LIM2: variants seen among roughly 807,000 people sequenced by gnomAD.
LIM2 encodes the protein lens intrinsic membrane protein 2, also known as lens fiber membrane intrinsic protein.
A neutral mutation model predicts 19.0 loss-of-function variants in LIM2; 14 were observed. That is an observed-to-expected ratio of 0.74 (90% CI 0.49 to 1.15). LIM2 has a LOEUF of 1.15. Among genes scored for constraint, LIM2 ranks in the 50% most tolerant of loss-of-function variants. LIM2 has a pLI of 0.00. For missense variants in LIM2, 230 were observed against 243.5 expected, an observed-to-expected ratio of 0.94 and a Z score of 0.37; for synonymous variants, 78 against 89.6, an observed-to-expected ratio of 0.87 and a Z score of 0.73.
intron 2 of LIM2, among the ~76,000 whole-genome samples, chr19:51,383,606 A>G (rs1347738651): frequency 6.6e-6 from 1 of 152,108 alleles, no homozygotes; most frequent in East Asian, 1.9e-4. Flanking sequence ...AGATAATAAT[A>G]ATCTCTTCAT....
chr19:51,385,313 G>A (rs914660191), intron 2 of LIM2, among the ~76,000 whole-genome samples: 13 of 152,188 alleles, frequency 8.5e-5, no homozygotes, highest in African/African-American at 2.9e-4. Context: ...CCTGAGGTCA[G>A]GAGTTCGAGA....
intron 3 of LIM2, 111 bp from the exon 4 acceptor site, chr19:51,380,750 A>T (rs1599860652): frequency 1.5e-6 from 2 of 1,310,188 alleles, no homozygotes; most frequent in East Asian, 5.0e-5. Flanking sequence ...AAAGGGGTGG[A>T]AATGGGTTGG....
rs1986921182 is a variant in LIM2, at chr19:51,382,502, T to C, written c.241A>G (p.Met81Val). Residue 81 changes from methionine to valine, a missense_variant, in exon 3 of 5, where the codon ATG becomes GTG. Coordinates refer to ENST00000596399, the MANE Select transcript of LIM2 (RefSeq NM_001161748.2). ...SALCAISGIIMGIMAFAHQPT... is the reference protein window; with the variant it reads ...SALCAISGIIVGIMAFAHQPT... The stretch of plus-strand genomic sequence containing the variant: ...TGATGAGCGAAGGCCATGATGCCCA[T>C]GATGATGCCGGAGATGGCGCATAGG... 6.2e-7 allele frequency: 1 copy of C among 1,613,886 alleles called. No individual in the cohort carries two copies. Among genetic ancestry groups the C allele is most frequent in the East Asian group, 2.2e-5 (1 of 44,866 alleles).
chr19:51,382,292 G>A (rs1045491138), intron 3 of LIM2, 126 bp downstream of exon 3: 8 of 1,078,892 alleles, frequency 7.4e-6, no homozygotes, highest in East Asian at 2.5e-5. Flanking sequence ...GTGGGGATGG[G>A]ATTAGGGTGG....
chr19:51,387,205 T>C, intron 2 of LIM2, 64 bp downstream of exon 2: 1 of 1,614,184 alleles, frequency 6.2e-7, no homozygotes, highest in Non-Finnish European at 8.5e-7. Context: ...CAGGTGTCCT[T>C]GGGCCCCGAG....
intron 2 of LIM2, among the ~76,000 whole-genome samples, chr19:51,385,036 A>AT (rs1355389892): frequency 1.3e-5 from 2 of 151,566 alleles, no homozygotes; most frequent in East Asian, 3.9e-4. Context: ...CTAATTTTTT[A>AT]TTTTTTGTTG....
chr19:51,382,805 C>T (rs1025328972), intron 2 of LIM2, among the ~76,000 whole-genome samples: 5 of 152,106 alleles, frequency 3.3e-5, no homozygotes, highest in Non-Finnish European at 7.4e-5. Flanking sequence ...TCTTCACCCA[C>T]GGCTAAGGGT....
In LIM2 at chr19:51,382,515, G is replaced by A. The variant is rs1372389449; in HGVS notation, c.228C>T (p.Ile76=). The A allele has an allele frequency of 1.8e-5, 29 of 1,613,888 alleles. No homozygotes were observed. The highest frequency in any genetic ancestry group is 2.4e-5 in the Non-Finnish European group (28 of 1,179,938). ...CCATGATGCCCATGATGATGCCGGA[G>A]ATGGCGCATAGGGCAGACAGGATCA... ...AFMILSALCA[I]SGIIMGIMAF... Residue 76 remains isoleucine (I), a synonymous_variant, in exon 3 of 5, where the codon ATC becomes ATT. Coordinates refer to ENST00000596399, the MANE Select transcript of LIM2 (RefSeq NM_001161748.2).
Position 51,382,463 on chromosome 19 carries a change from G to A in LIM2, c.280C>T (p.Arg94Cys), listed in dbSNP as rs200836752. The A allele has an allele frequency of 1.3e-4, 213 of 1,613,912 alleles. No homozygotes were observed. Among genetic ancestry groups the A allele is most frequent in the Middle Eastern group, 5.0e-4 (3 of 6,058 alleles). ...CCAGCAGAGAAGGGCCGGGAGATGC[G>A]GGAGAAGGTAGGCTGATGAGCGAAG... The part of the protein sequence containing the change: ...MAFAHQPTFS[R>C]ISRPFSAGIM... Residue 94 changes from arginine to cysteine, a missense_variant, in exon 3 of 5, where the codon CGC becomes TGC. Arg to Cys is a radical substitution (Grantham distance 180). Coordinates refer to ENST00000596399, the MANE Select transcript of LIM2 (RefSeq NM_001161748.2).
At chr19:51,387,772 C>T (rs918758174) in intron 1 of LIM2, 147 bp downstream of exon 1, 1 of 395,958 alleles carries the variant, frequency 2.5e-6, no homozygotes, top group Admixed American at 4.0e-5. Flanking sequence ...AGAAGGGGCC[C>T]AGGAGCCTGG....
intron 2 of LIM2, among the ~76,000 whole-genome samples, chr19:51,386,526 A>G (rs1424842207): frequency 6.7e-6 from 1 of 148,460 alleles, no homozygotes; most frequent in Non-Finnish European, 1.5e-5. Flanking sequence ...TTAATTTATT[A>G]TATAATGTCA....
rs781174758 is a variant in LIM2, at chr19:51,380,515, C to T, written c.450G>A (p.Thr150=). ...YILGWVAVLM[T]FFAGIFYMCA... ...CCTTGCCCCCAGTACCTGCGAAGAA[C>T]GTCATGAGCACTGCCACCCAGCCCA... The change falls in exon 4 of 5, where the codon ACG becomes ACA. Residue 150 remains threonine (T), a synonymous_variant. Transcript: ENST00000596399. The T allele has an allele frequency of 6.8e-6, 11 of 1,614,090 alleles. No homozygotes were observed. The South Asian group carries it at 7.7e-5, about 11-fold the overall frequency.
chr19:51,383,751 A>C (rs1314620617), intron 2 of LIM2, among the ~76,000 whole-genome samples: 1 of 152,196 alleles, frequency 6.6e-6, no homozygotes. Flanking sequence ...AGAGAGGTAA[A>C]GTGACTTGCC....
At chr19:51,380,852 T>G (rs1336205347) in intron 3 of LIM2, among the ~76,000 whole-genome samples, 2 of 152,108 alleles carry the variant, frequency 1.3e-5, no homozygotes, top group Non-Finnish European at 2.9e-5. Context: ...GACACGCTTG[T>G]GTTTTATAAT....
rs755915249 is a variant in LIM2 at position 51,380,655 on chromosome 19, G to A, written c.326-16C>T. On this transcript the variant is annotated splice_polypyrimidine_tract_variant and intron_variant, in intron 3 of 4. Coordinates refer to ENST00000596399, the MANE Select transcript of LIM2 (RefSeq NM_001161748.2). Reference sequence around the variant, plus strand: ...ACGAAAAGGGCTGGGGAGAGAGGGCGGGAGGATGCAGGTGGGACTAAGGCT... The same window carrying A: ...ACGAAAAGGGCTGGGGAGAGAGGGCAGGAGGATGCAGGTGGGACTAAGGCT... The A allele has an allele frequency of 2.6e-5, 42 of 1,613,878 alleles. No homozygotes were observed. The highest frequency in any genetic ancestry group is 3.3e-4 in the Middle Eastern group (2 of 6,084).
At chr19:51,381,117 C>T (rs1009167948) in intron 3 of LIM2, among the ~76,000 whole-genome samples, 1 of 151,956 alleles carries the variant, frequency 6.6e-6, no homozygotes, top group African/African-American at 2.4e-5. Flanking sequence ...TCAAGATCAG[C>T]CTGGTCAACA....
Position 51,380,128 on chromosome 19 carries a change from C to A in LIM2, c.*73G>T, listed in dbSNP as rs899793491. 7.1e-6 allele frequency: 10 copies of A among 1,416,972 alleles called. No homozygotes were observed. In the African/African-American group the frequency reaches 1.3e-4, roughly 18 times the overall value. 87.8% of individuals were successfully genotyped at this position (1,416,972 alleles called of 1,614,324 possible). ...TTCCCCTAGGAACCAGGATTTCAGG[C>A]CTCTAGACCCTCCTCCTCCTCTTCA... On this transcript the variant is annotated 3_prime_UTR_variant, in exon 5 of 5. Coordinates refer to ENST00000596399, the MANE Select transcript of LIM2 (RefSeq NM_001161748.2).
chr19:51,387,330 G>A lies in LIM2; in HGVS notation c.114C>T (p.Ala38=). The change falls in exon 2 of 5, where the codon GCC becomes GCT. Residue 38 remains alanine, a synonymous_variant. Transcript: ENST00000596399. ...GGCAGTACCGCCACAGGCCCTGGTG[G>A]GCGAAGGACCCTGACAGCCGGTACT... ...WMQYRLSGSF[A]HQGLWRYCLG... 2 of 1,614,204 alleles carry A rather than the reference G, an allele frequency of 1.2e-6. No individual in the cohort carries two copies. The highest frequency in any genetic ancestry group is 1.7e-4 in the Middle Eastern group (1 of 6,060).
At chr19:51,387,515 G>T in intron 1 of LIM2, 66 bp from the exon 2 acceptor site, 31 of 1,604,556 alleles carry the variant, frequency 1.9e-5, no homozygotes, top group Non-Finnish European at 2.5e-5. Context: ...GGAACTGGGG[G>T]GAGAGAGGGC....
Sources: gnomAD v4.1 joint callset for allele counts (sites outside exome capture counted in the v4.1 genomes callset) on GRCh38, gnomAD v4.1.1 for gene constraint, MANE v1.5 for transcripts, NCBI Gene and HGNC (gene_info 2026-07-23, HGNC 2026-07-21) for gene names.